STAT1: variants seen among roughly 807,000 people sequenced by gnomAD.
The protein encoded by STAT1 is signal transducer and activator of transcription 1-alpha/beta.
In STAT1, 24 loss-of-function variants were observed where a neutral mutation model predicts 111.7. That is an observed-to-expected ratio of 0.21 (90% CI 0.16 to 0.30). The LOEUF (loss-of-function observed/expected upper bound fraction) is 0.30, where lower values mean the gene tolerates loss of function less well. Among genes scored for constraint, STAT1 ranks in the 10% least tolerant of loss-of-function variants. STAT1 has a pLI of 1.00. For missense variants in STAT1, 351 were observed against 911.9 expected (o/e 0.38, Z 7.92); for synonymous variants, 332 against 326.5 (o/e 1.02, Z -0.18).
rs1487343067 is a variant in STAT1, at chr2:190,989,865, C to T, written c.1038-191G>A. On this transcript the variant is annotated intron_variant, in intron 11 of 24. Coordinates refer to ENST00000361099, the MANE Select transcript of STAT1 (RefSeq NM_007315.4). The surrounding 1 kb of genome is among the most constrained non-coding windows in gnomAD (Gnocchi z 5.0). ...TGTATTTGTAAGAATAAATTCCTAG[C>T]TGTGGAACCGCTTAGGAAAAATTGT... Among the ~76,000 whole-genome samples, 1 of 152,168 alleles carries T rather than the reference C, an allele frequency of 6.6e-6. No individual in the cohort carries two copies. Among genetic ancestry groups the T allele is most frequent in the Non-Finnish European group, 1.5e-5 (1 of 68,034 alleles).
At chr2:190,994,059 G>T (rs1693613636) in intron 10 of STAT1, among the ~76,000 whole-genome samples, 1 of 152,188 alleles carries the variant, frequency 6.6e-6, no homozygotes, top group South Asian at 2.1e-4. Context: ...CATCTGTTTG[G>T]GAAATCTGGG....
intron 10 of STAT1, chr2:190,992,846 A>G (rs937927305): frequency 3.1e-6 from 1 of 323,794 alleles, no homozygotes; most frequent in Non-Finnish European, 5.4e-6. Flanking sequence ...CTGGAGAGCA[A>G]TGGCGCAATC....
intron 11 of STAT1, among the ~76,000 whole-genome samples, chr2:190,991,027 C>T (rs1157099031): frequency 1.3e-5 from 2 of 152,140 alleles, no homozygotes. Context: ...GGAGTGTGTA[C>T]ATATATGTAT....
chr2:190,976,025 C>A lies in STAT1; in HGVS notation c.2060-138G>T. On this transcript the variant is annotated intron_variant, in intron 22 of 24. Transcript: ENST00000361099. The surrounding 1 kb of genome is among the most constrained non-coding windows in gnomAD (Gnocchi z 6.0). The stretch of plus-strand genomic sequence containing the variant: ...CTAAAACTTTAAGGAGCTATAACCT[C>A]CCTGCCTGAGTCACCTAAAATTCTA... The A allele has an allele frequency of 1.3e-6, 1 of 752,676 alleles. No homozygotes were observed. The allele number at this position is 752,676 out of a possible 1,614,324, so 46.6% of individuals were successfully genotyped here.
intron 10 of STAT1, among the ~76,000 whole-genome samples, chr2:190,994,659 G>A (rs568711067): frequency 1.3e-5 from 2 of 152,140 alleles, no homozygotes; most frequent in East Asian, 1.9e-4. Context: ...AGTGGCTCAC[G>A]CCTGTAATCC....
chr2:190,993,469 C>A lies in STAT1; in HGVS notation c.944+1592G>T. ...TGATGTAGCTTTCTGTATATGTTAT[C>A]ATCTGCAAACCTAAGAAGGAGGCAA... On this transcript the variant is annotated intron_variant, in intron 10 of 24. Transcript: ENST00000361099. This position sits in a 1 kb window ranked among gnomAD's most constrained non-coding sequence, Gnocchi z 4.1. 1 of 1,216,854 alleles carries A rather than the reference C, an allele frequency of 8.2e-7. No individual in the cohort carries two copies. Among genetic ancestry groups the A allele is most frequent in the Admixed American group, 1.9e-5 (1 of 51,346 alleles). 75.4% of individuals were successfully genotyped at this position (1,216,854 alleles called of 1,614,324 possible).
rs1010459146 is a variant in STAT1 at position 191,003,867 on chromosome 2, G to A, written c.373-2704C>T. Reference sequence around the variant, plus strand: ...GCTGGGACACTACACCTAGAGAGAGGGACCAGGCCACTGGAGAATTCTGAC... The same window carrying A: ...GCTGGGACACTACACCTAGAGAGAGAGACCAGGCCACTGGAGAATTCTGAC... On this transcript the variant is annotated intron_variant, in intron 5 of 24. Coordinates refer to ENST00000361099, the MANE Select transcript of STAT1 (RefSeq NM_007315.4). The surrounding 1 kb of genome is among the most constrained non-coding windows in gnomAD (Gnocchi z 4.0). Among the ~76,000 whole-genome samples, 2 of 152,282 alleles carry A rather than the reference G, an allele frequency of 1.3e-5. No homozygotes were observed. The highest frequency in any genetic ancestry group is 2.1e-4 in the South Asian group (1 of 4,824).
At position 190,993,278 on chromosome 2, in the gene STAT1, T is replaced by C; in HGVS notation, c.944+1783A>G. ...TCACTGTTTAATATTATTGAAGGAC[T>C]CCTGATCTGTCACATCATACACCAC... On this transcript the variant is annotated intron_variant, in intron 10 of 24. Transcript: ENST00000361099. This position sits in a 1 kb window ranked among gnomAD's most constrained non-coding sequence, Gnocchi z 4.1. The C allele has an allele frequency of 1.6e-6, 1 of 633,896 alleles. No individual in the cohort carries two copies. The highest frequency in any genetic ancestry group is 1.6e-5 in the South Asian group (1 of 62,756). 39.3% of individuals were successfully genotyped at this position (633,896 alleles called of 1,614,324 possible). A position where few individuals can be genotyped will look rare whatever the true frequency, so the allele number is the denominator to read the frequency against.
Position 190,980,194 on chromosome 2 carries a change from G to A in STAT1, c.1633-328C>T, listed in dbSNP as rs1262670351. Among the ~76,000 whole-genome samples, 1 of 152,236 alleles carries A rather than the reference G, an allele frequency of 6.6e-6. No individual in the cohort carries two copies. The highest frequency in any genetic ancestry group is 1.5e-5 in the Non-Finnish European group (1 of 68,038). On this transcript the variant is annotated intron_variant, in intron 19 of 24. Transcript: ENST00000361099. The surrounding 1 kb of genome is among the most constrained non-coding windows in gnomAD (Gnocchi z 6.1). ...CCCCACACTAGCAAAATCCAGCAGT[G>A]CAAGCTGGTCCGCACTGTCTGGTGA...
At position 191,012,032 on chromosome 2, in the gene STAT1, T is replaced by C. The variant is rs1695167366; in HGVS notation, c.-2+1493A>G. Among the ~76,000 whole-genome samples the C allele has an allele frequency of 6.6e-6, 1 of 150,990 alleles. No homozygotes were observed. Among genetic ancestry groups the C allele is most frequent in the South Asian group, 2.2e-4 (1 of 4,638 alleles). ...TCCCAAAGTGCTGGGATTACAGGCG[T>C]GAGCTTCCGCACCCTGCCACAGTTG... On this transcript the variant is annotated intron_variant, in intron 2 of 24. Transcript: ENST00000361099. This position sits in a 1 kb window ranked among gnomAD's most constrained non-coding sequence, Gnocchi z 4.0.
rs752857069 is a variant in STAT1, at chr2:190,996,542, A to AG, written c.785+1313dup. 2.0e-5 allele frequency among the ~76,000 whole-genome samples: 3 copies of AG among 152,112 alleles called. No homozygotes were observed. The highest frequency in any genetic ancestry group is 2.9e-5 in the Non-Finnish European group (2 of 67,968). The stretch of plus-strand genomic sequence containing the variant: ...GCTCCTGTGGTCTAGGAGGACCACT[A>AG]GGGGGCTCTAAACACCCCAGGGCCT... On this transcript the variant is annotated intron_variant, in intron 9 of 24. Coordinates refer to ENST00000361099, the MANE Select transcript of STAT1 (RefSeq NM_007315.4). The surrounding 1 kb of genome is among the most constrained non-coding windows in gnomAD (Gnocchi z 4.5).
chr2:190,994,077 A>G (rs1201262861), intron 10 of STAT1, among the ~76,000 whole-genome samples: 1 of 152,242 alleles, frequency 6.6e-6, no homozygotes, highest in East Asian at 1.9e-4. Context: ...GGGAAGATTA[A>G]ATGATGAGAT....
chr2:191,011,235 T>A (rs1695092641), intron 2 of STAT1, among the ~76,000 whole-genome samples: 1 of 152,214 alleles, frequency 6.6e-6, no homozygotes, highest in Non-Finnish European at 1.5e-5. Context: ...GCTGAAGCAA[T>A]TTGATTTTTC....
chr2:190,981,022 T>C lies in STAT1; in HGVS notation c.1583-353A>G, dbSNP rs528559660. 5.7e-4 allele frequency among the ~76,000 whole-genome samples: 86 copies of C among 150,268 alleles called. 2 individuals are homozygous for C. In the South Asian group the frequency reaches 0.018, roughly 31 times the overall value. Reference sequence around the variant, plus strand: ...CTCTCTCCCTCCCCAGCCCCCCTTTTCCCTCCCTCCTCTAAAGAGAGGACA... The same window carrying C: ...CTCTCTCCCTCCCCAGCCCCCCTTTCCCCTCCCTCCTCTAAAGAGAGGACA... On this transcript the variant is annotated intron_variant, in intron 18 of 24. Transcript: ENST00000361099. This position sits in a 1 kb window ranked among gnomAD's most constrained non-coding sequence, Gnocchi z 4.1.
In STAT1 at chr2:190,995,888, T is replaced by C. The variant is rs1167910770; in HGVS notation, c.786-669A>G. On this transcript the variant is annotated intron_variant, in intron 9 of 24. Transcript: ENST00000361099. This position sits in a 1 kb window ranked among gnomAD's most constrained non-coding sequence, Gnocchi z 4.2. The stretch of plus-strand genomic sequence containing the variant: ...GGGCTTCTAGGTGATCTGTGACTGG[T>C]GCAGGGCAAAGAGGAGGCCAGAGGC... Among the ~76,000 whole-genome samples the C allele has an allele frequency of 3.9e-5, 6 of 152,114 alleles. No homozygotes were observed. Among genetic ancestry groups the C allele is most frequent in the Non-Finnish European group, 8.8e-5 (6 of 68,020 alleles).
Position 191,007,893 on chromosome 2 carries a change from C to T in STAT1, c.274-232G>A, listed in dbSNP as rs1694826860. 3.6e-6 allele frequency: 2 copies of T among 562,706 alleles called. No homozygotes were observed. The highest frequency in any genetic ancestry group is 6.4e-6 in the Non-Finnish European group (2 of 312,704). The allele number at this position is 562,706 out of a possible 1,614,324, so 34.9% of individuals were successfully genotyped here. A position where few individuals can be genotyped will look rare whatever the true frequency, so the allele number is the denominator to read the frequency against. The stretch of plus-strand genomic sequence containing the variant: ...CCTAACGTACTTTTTGATTTAAAAA[C>T]AAGTATTTTCACATATGGTTCACAT... On this transcript the variant is annotated intron_variant, in intron 4 of 24. Transcript: ENST00000361099. The surrounding 1 kb of genome is among the most constrained non-coding windows in gnomAD (Gnocchi z 4.2).
In STAT1 at chr2:190,996,264, T is replaced by C. The variant is rs539880063; in HGVS notation, c.786-1045A>G. On this transcript the variant is annotated intron_variant, in intron 9 of 24. Coordinates refer to ENST00000361099, the MANE Select transcript of STAT1 (RefSeq NM_007315.4). The surrounding 1 kb of genome is among the most constrained non-coding windows in gnomAD (Gnocchi z 4.5). ...CTGGGGAAACGCTGTTTTATTCACT[T>C]GCAGTAATGACAGAAGAAAACCTTT... Among the ~76,000 whole-genome samples the C allele has an allele frequency of 6.6e-6, 1 of 152,244 alleles. No homozygotes were observed. Among genetic ancestry groups the C allele is most frequent in the Non-Finnish European group, 1.5e-5 (1 of 68,034 alleles).
rs1220671981 is a variant in STAT1 at position 190,974,361 on chromosome 2, T to TA, written c.2238+468dup. Among the ~76,000 whole-genome samples, 1 of 152,202 alleles carries TA rather than the reference T, an allele frequency of 6.6e-6. No individual in the cohort carries two copies. The highest frequency in any genetic ancestry group is 2.4e-5 in the African/African-American group (1 of 41,444). On this transcript the variant is annotated intron_variant, in intron 24 of 24. Coordinates refer to ENST00000361099, the MANE Select transcript of STAT1 (RefSeq NM_007315.4). The surrounding 1 kb of genome is among the most constrained non-coding windows in gnomAD (Gnocchi z 4.8). Reference sequence around the variant, plus strand: ...CTACTTGTACAAATTAGCTCTCAAATATAAGGCAGATGAAGTAATCTCATT... The same window carrying TA: ...CTACTTGTACAAATTAGCTCTCAAATAATAAGGCAGATGAAGTAATCTCATT...
chr2:191,013,498 C>T (rs1351379867), intron 2 of STAT1, 27 bp downstream of exon 2: 7 of 397,290 alleles, frequency 1.8e-5, no homozygotes, highest in Non-Finnish European at 2.7e-5. Flanking sequence ...TGTACTCATT[C>T]ATCTGATTCC....
Sources: allele counts gnomAD v4.1 joint callset (sites outside exome capture counted in the v4.1 genomes callset), GRCh38; gene constraint gnomAD v4.1.1; non-coding constraint Gnocchi (gnomAD v3.1); transcripts MANE v1.5; gene names NCBI Gene and HGNC (gene_info 2026-07-23, HGNC 2026-07-21).